The following RBFOX1 variants were observed in gnomAD, a reference collection of about 807,000 sequenced individuals.
The protein encoded by RBFOX1 is RNA binding protein fox-1 homolog 1.
A neutral mutation model predicts 57.7 loss-of-function variants in RBFOX1; 8 were observed. The ratio of observed to expected loss-of-function variants is 0.14; its 90% CI spans 0.08 to 0.25. The LOEUF (loss-of-function observed/expected upper bound fraction) is 0.25, where lower values mean the gene tolerates loss of function less well. RBFOX1 is among the 10% of genes least tolerant of loss of function. The pLI, the probability that RBFOX1 is intolerant of heterozygous loss-of-function variation, is 1.00. For missense variants in RBFOX1, 611 were observed against 548.5 expected, an observed-to-expected ratio of 1.11 and a Z score of -1.14; for synonymous variants, 326 against 222.4, an observed-to-expected ratio of 1.47 and a Z score of -4.15.
chr16:7,392,240 C>T (rs936105064), intron 4 of RBFOX1, among the ~76,000 whole-genome samples: 6 of 152,156 alleles, frequency 3.9e-5, no homozygotes, highest in African/African-American at 1.2e-4. Flanking sequence ...AGCCCTCCCT[C>T]CCTGAATCCT....
intron 3 of RBFOX1, among the ~76,000 whole-genome samples, chr16:6,865,347 T>C (rs950237660): frequency 2.6e-5 from 4 of 152,138 alleles, no homozygotes; most frequent in African/African-American, 4.8e-5. Flanking sequence ...TTGAATAATA[T>C]GTGTTCATTG....
intron 2 of RBFOX1, among the ~76,000 whole-genome samples, chr16:5,538,834 G>C (rs918494439): frequency 1.3e-5 from 2 of 152,018 alleles, no homozygotes; most frequent in Non-Finnish European, 2.9e-5. Flanking sequence ...CACTGTGTTA[G>C]CCATGATGTT....
At chr16:7,199,212 G>A (rs1440929617) in intron 4 of RBFOX1, among the ~76,000 whole-genome samples, 3 of 152,120 alleles carry the variant, frequency 2.0e-5, no homozygotes, top group Admixed American at 6.5e-5. Context: ...CATAGAGGGG[G>A]ACATTTTAAG....
intron 3 of RBFOX1, among the ~76,000 whole-genome samples, chr16:7,013,713 A>G (rs560345461): frequency 6.6e-6 from 1 of 151,468 alleles, no homozygotes; most frequent in South Asian, 2.1e-4. Context: ...GCTGGAGTGC[A>G]CTGGCACAAT....
At chr16:6,851,862 C>A (rs1159167400) in intron 3 of RBFOX1, among the ~76,000 whole-genome samples, 2 of 151,994 alleles carry the variant, frequency 1.3e-5, no homozygotes, top group Non-Finnish European at 2.9e-5. Flanking sequence ...AGAACAGGGA[C>A]ACCACTATCC....
intron 3 of RBFOX1, among the ~76,000 whole-genome samples, chr16:5,744,495 C>T (rs1474488294): frequency 2.0e-5 from 3 of 152,140 alleles, no homozygotes; most frequent in Non-Finnish European, 4.4e-5. Context: ...CATCATCGGT[C>T]ATTGTGTCTC....
chr16:6,751,794 G>A (rs989485580), intron 3 of RBFOX1, among the ~76,000 whole-genome samples: 9 of 152,214 alleles, frequency 5.9e-5, no homozygotes, highest in East Asian at 3.9e-4. Context: ...TGTGATTATC[G>A]TAACCCACTT....
chr16:7,112,541 A>G (rs893430533), intron 4 of RBFOX1, among the ~76,000 whole-genome samples: 3 of 152,068 alleles, frequency 2.0e-5, no homozygotes, highest in African/African-American at 7.2e-5. Context: ...TTGTCCATCA[A>G]GTCAGAACCT....
chr16:6,310,696 A>G (rs1158885393), intron 1 of RBFOX1, among the ~76,000 whole-genome samples: 31 of 152,180 alleles, frequency 2.0e-4, no homozygotes, highest in Admixed American at 1.9e-3. Flanking sequence ...TCACTCATGA[A>G]TATGACTGGG....
At chr16:5,255,925 G>C (rs9931622) in intron 1 of RBFOX1, among the ~76,000 whole-genome samples, 3,068 of 151,722 alleles carry the variant, frequency 0.02, 103 homozygotes, top group African/African-American at 0.07. Context: ...CTGAAAATTG[G>C]CTATTAATAG....
chr16:6,969,398 G>A (rs2085009303), intron 3 of RBFOX1, among the ~76,000 whole-genome samples: 2 of 150,248 alleles, frequency 1.3e-5, no homozygotes, highest in Non-Finnish European at 2.9e-5. Flanking sequence ...TGTTCATGAT[G>A]CATATTTCAC....
At chr16:5,589,468 A>G (rs879886451) in intron 2 of RBFOX1, among the ~76,000 whole-genome samples, 1 of 152,180 alleles carries the variant, frequency 6.6e-6, no homozygotes, top group Admixed American at 6.5e-5. Context: ...TATTATGTCC[A>G]TCTTCCAGAG....
At chr16:7,227,692 G>A (rs2093232221) in intron 4 of RBFOX1, among the ~76,000 whole-genome samples, 1 of 152,138 alleles carries the variant, frequency 6.6e-6, no homozygotes, top group East Asian at 1.9e-4. Context: ...GCGGGCATTT[G>A]GGTCATTTGG....
chr16:6,659,747 T>C (rs1202939805), intron 3 of RBFOX1, among the ~76,000 whole-genome samples: 1 of 152,130 alleles, frequency 6.6e-6, no homozygotes, highest in Non-Finnish European at 1.5e-5. Context: ...TTCACAGTGT[T>C]TACAAGCCTG....
chr16:6,270,603 C>G (rs914343042), intron 1 of RBFOX1, among the ~76,000 whole-genome samples: 1 of 151,940 alleles, frequency 6.6e-6, no homozygotes, highest in Non-Finnish European at 1.5e-5. Context: ...ATATATAACT[C>G]AAAGGAGAAA....
intron 1 of RBFOX1, among the ~76,000 whole-genome samples, chr16:6,068,882 C>G (rs1180707653): frequency 2.0e-5 from 3 of 152,160 alleles, no homozygotes; most frequent in Non-Finnish European, 1.5e-5. Context: ...TCACCTGCAT[C>G]TTATTTTGGG....
At chr16:6,057,705 G>T (rs1596791640) in intron 1 of RBFOX1, among the ~76,000 whole-genome samples, 1 of 152,082 alleles carries the variant, frequency 6.6e-6, no homozygotes, top group East Asian at 1.9e-4. Context: ...GAAGATGTTG[G>T]TGTCCTTGGA....
intron 3 of RBFOX1, among the ~76,000 whole-genome samples, chr16:5,756,228 A>C (rs1264534737): frequency 6.8e-6 from 1 of 148,106 alleles, no homozygotes; most frequent in Non-Finnish European, 1.5e-5. Flanking sequence ...ATAAGCAAAA[A>C]AAAAAAAAAA....
intron 3 of RBFOX1, among the ~76,000 whole-genome samples, chr16:6,728,955 A>C (rs1478207576): frequency 2.0e-5 from 3 of 152,176 alleles, no homozygotes; most frequent in Non-Finnish European, 4.4e-5. Flanking sequence ...ACATACACAC[A>C]CTTTTAGTCA....
Sources: allele counts gnomAD v4.1 joint callset (sites outside exome capture counted in the v4.1 genomes callset), GRCh38; gene constraint gnomAD v4.1.1; transcripts MANE v1.5; gene names NCBI Gene and HGNC (gene_info 2026-07-23, HGNC 2026-07-21).